MATK: variants seen among roughly 807,000 people sequenced by gnomAD.
MATK encodes the protein megakaryocyte-associated tyrosine-protein kinase.
A neutral mutation model predicts 59.8 loss-of-function variants in MATK; 41 were observed. The observed-to-expected ratio is 0.69, with a 90% CI of 0.53 to 0.89. The LOEUF is 0.89. Ranked by LOEUF, MATK falls within the 40% of genes least tolerant of loss-of-function variation. The pLI is 0.00. For synonymous variants in MATK, 308 were observed against 306.1 expected (o/e 1.01, Z -0.06); for missense variants, 593 against 719.6 (o/e 0.82, Z 2.01).
At chr19:3,791,024 C>T (rs550745564), upstream of MATK, among the ~76,000 whole-genome samples, 2 of 152,154 alleles carry the variant, frequency 1.3e-5, no homozygotes, top group African/African-American at 4.8e-5. Flanking sequence ...TTAGAACCAG[C>T]GATGCCTGGA....
intron 6 of MATK, 72 bp downstream of exon 6, chr19:3,783,742 A>G: frequency 1.4e-6 from 2 of 1,431,166 alleles, no homozygotes; most frequent in Non-Finnish European, 1.9e-6. Flanking sequence ...CTCTATCTCT[A>G]CGTAGGGGAG....
At position 3,779,515 on chromosome 19, in the gene MATK, G is replaced by A. The variant is rs766624809; in HGVS notation, c.927+18C>T. 18 of 1,610,516 alleles carry A rather than the reference G, an allele frequency of 1.1e-5. No individual in the cohort carries two copies. The highest frequency in any genetic ancestry group is 2.7e-5 in the African/African-American group (2 of 74,858). ...GCTCCGCTGCGTGGGCCCCCTCCCC[G>A]CCTGGGCCCCGCCCCACCTTGCTCA... On this transcript the variant is annotated intron_variant, in intron 10 of 13. Coordinates refer to ENST00000310132, the MANE Select transcript of MATK (RefSeq NM_139355.3).
chr19:3,783,785 G>A, intron 6 of MATK, 29 bp downstream of exon 6: 1 of 1,594,622 alleles, frequency 6.3e-7, no homozygotes, highest in Non-Finnish European at 8.6e-7. Context: ...CCACTGCAGG[G>A]ACGGGGTGGG....
At position 3,778,248 on chromosome 19, in the gene MATK, C is replaced by G; in HGVS notation, c.1459G>C (p.Ala487Pro). ...TCCTGCCCTGAGACGGAGGCTGGGG[C>G]ACCTGCACTGCGTAGCTCCCGGGCC... ...KLARELRSAGAPASVSGQDAD... is the reference protein window; with the variant it reads ...KLARELRSAGPPASVSGQDAD... Residue 487 changes from alanine (A) to proline (P), a missense_variant, in exon 14 of 14, where the codon GCC becomes CCC. By Grantham distance (27) the Ala-to-Pro change is conservative. Coordinates refer to ENST00000310132, the MANE Select transcript of MATK (RefSeq NM_139355.3). 6.3e-7 allele frequency: 1 copy of G among 1,576,720 alleles called. No homozygotes were observed. Among genetic ancestry groups the G allele is most frequent in the Non-Finnish European group, 8.5e-7 (1 of 1,170,922 alleles).
At position 3,778,991 on chromosome 19, in the gene MATK, C is replaced by T. The variant is rs778545174; in HGVS notation, c.1197+1G>A. ...CAGGGGTATGTGAAGGCAGGGCTCA[C>T]CCCGTGTTTGAGAGCCTCGGGCGCC... is the stretch of plus-strand genomic sequence containing the variant. On this transcript the variant is annotated splice_donor_variant, in intron 12 of 13. Coordinates refer to ENST00000310132, the MANE Select transcript of MATK (RefSeq NM_139355.3). LOFTEE classifies it high-confidence loss of function. 1 of 1,552,876 alleles carries T rather than the reference C, an allele frequency of 6.4e-7. No homozygotes were observed. Among genetic ancestry groups the T allele is most frequent in the Non-Finnish European group, 8.7e-7 (1 of 1,153,434 alleles).
Position 3,785,232 on chromosome 19 carries a change from G to C in MATK, c.-97C>G. 1.3e-6 allele frequency: 2 copies of C among 1,587,790 alleles called. No individual in the cohort carries two copies. The highest frequency in any genetic ancestry group is 1.7e-6 in the Non-Finnish European group (2 of 1,169,514). ...TGGCCTGCCACAGGCCAGTCGGCTG[G>C]CACAGGAGGTAGGGAGCTGGGTGCC... On this transcript the variant is annotated 5_prime_UTR_variant, in exon 2 of 14. Transcript: ENST00000310132.
rs1005696540 is a variant in MATK at position 3,796,238 on chromosome 19, T to A, written c.-58+5294A>T. ...AGCAGCTGATATTTATAGGGTGTTT[T>A]ACTGTGTGCTGAAGACAAAGCAATA... On this transcript the variant is annotated intron_variant, in intron 1 of 13. Coordinates refer to the MATK transcript ENST00000395045. 1.8e-4 allele frequency among the ~76,000 whole-genome samples: 27 copies of A among 152,326 alleles called. No homozygotes were observed. The East Asian group carries it at 2.1e-3, about 12-fold the overall frequency.
intron 1 of MATK, among the ~76,000 whole-genome samples, chr19:3,792,496 A>G (rs1266134019): frequency 6.9e-6 from 1 of 144,098 alleles, no homozygotes; most frequent in Admixed American, 7.2e-5. Context: ...TTTTCAGCAC[A>G]TGAATTTCCA....
chr19:3,793,211 G>T (rs1220029748), intron 1 of MATK: 2 of 152,208 alleles, frequency 1.3e-5, no homozygotes, highest in African/African-American at 4.8e-5. Context: ...CGGACAGGTT[G>T]TTTTCCAGCC....
Position 3,785,136 on chromosome 19 carries a change from C to G in MATK, c.-1G>C. ...AAACCAGAGAGCCTCGCCCCGCCAT[C>G]GCCCCCAGAGGGAAACTGAGGCAGG... On this transcript the variant is annotated 5_prime_UTR_variant, in exon 2 of 14. Transcript: ENST00000310132. The G allele has an allele frequency of 6.2e-7, 1 of 1,614,066 alleles. No individual in the cohort carries two copies. The highest frequency in any genetic ancestry group is 8.5e-7 in the Non-Finnish European group (1 of 1,179,972).
chr19:3,786,414 G>GCCCCTCCCCGC, upstream of MATK: 1 of 978,618 alleles, frequency 1.0e-6, no homozygotes, highest in Non-Finnish European at 1.2e-6. The surrounding 1 kb of genome is among the most constrained non-coding windows in gnomAD (Gnocchi z 4.1). Flanking sequence ...GCCGCCGCCG[G>GCCCCTCCCCGC]CCCCTCCCCG....
At chr19:3,778,868 A>G in intron 12 of MATK, 124 bp downstream of exon 12, 4 of 1,049,850 alleles carry the variant, frequency 3.8e-6, no homozygotes, top group Non-Finnish European at 5.4e-6. Flanking sequence ...ATGGGCCAAG[A>G]GCTTCCTGGG....
At chr19:3,782,337 G>A (rs1337879188) in intron 7 of MATK, among the ~76,000 whole-genome samples, 1 of 152,194 alleles carries the variant, frequency 6.6e-6, no homozygotes, top group Non-Finnish European at 1.5e-5. Context: ...GAGATCATTG[G>A]CCAGGGTGAT....
chr19:3,792,057 A>C (rs1404829473), intron 1 of MATK, among the ~76,000 whole-genome samples: 2 of 151,590 alleles, frequency 1.3e-5, no homozygotes. Context: ...GCAGTGAGCC[A>C]AGATCGCACC....
At chr19:3,792,761 A>G (rs1214752247) in intron 1 of MATK, among the ~76,000 whole-genome samples, 1 of 151,894 alleles carries the variant, frequency 6.6e-6, no homozygotes, top group Non-Finnish European at 1.5e-5. Flanking sequence ...CAGGTGATCC[A>G]CCCACCTCGG....
At position 3,786,182 on chromosome 19, in the gene MATK, GC is replaced by G; in HGVS notation, c.-166del. 1.0e-6 allele frequency: 1 copy of G among 980,072 alleles called. No homozygotes were observed. The highest frequency in any genetic ancestry group is 1.2e-6 in the Non-Finnish European group (1 of 825,660). 60.7% of individuals were successfully genotyped at this position (980,072 alleles called of 1,614,324 possible). ...CGACGTGCTCACCTGCTCAGGGGGCGCCCCCGAGCCGCGCCCCGCGCCCGCC... is the reference window on the plus strand; with the variant it reads ...CGACGTGCTCACCTGCTCAGGGGGCGCCCCGAGCCGCGCCCCGCGCCCGCC... On this transcript the variant is annotated 5_prime_UTR_variant, in exon 1 of 14. The change abolishes the stop of an existing upstream ORF in the 5' untranslated region. Transcript: ENST00000310132. This position sits in a 1 kb window ranked among gnomAD's most constrained non-coding sequence, Gnocchi z 4.1.
chr19:3,782,996 T>C, intron 7 of MATK, 130 bp downstream of exon 7: 1 of 781,664 alleles, frequency 1.3e-6, no homozygotes, highest in Non-Finnish European at 2.1e-6. Context: ...CCAGGTCTTC[T>C]ATCCCATAGC....
At chr19:3,791,351 C>CG (rs1280868279), upstream of MATK, among the ~76,000 whole-genome samples, 1 of 143,514 alleles carries the variant, frequency 7.0e-6, no homozygotes, top group African/African-American at 2.5e-5. Context: ...CCTCCCCCCA[C>CG]TTTTTTTTTT....
intron 12 of MATK, 65 bp from the exon 13 acceptor site, chr19:3,778,660 TC>T: frequency 6.6e-7 from 1 of 1,520,988 alleles, no homozygotes; most frequent in Non-Finnish European, 8.9e-7. Flanking sequence ...CCCTGCTTCC[TC>T]CAGGAAGCCC....
Sources: gnomAD v4.1 joint callset for allele counts (sites outside exome capture counted in the v4.1 genomes callset) on GRCh38, gnomAD v4.1.1 for gene constraint, Gnocchi (gnomAD v3.1) non-coding constraint, MANE v1.5 for transcripts, NCBI Gene and HGNC (gene_info 2026-07-23, HGNC 2026-07-21) for gene names.